Variants in GTSE1 observed in about 807,000 individuals in gnomAD.
GTSE1 encodes G2 and S phase-expressed protein 1.
A neutral mutation model predicts 60.5 loss-of-function variants in GTSE1; 52 were observed. That is an observed-to-expected ratio of 0.86 (90% CI 0.69 to 1.08). The LOEUF is 1.08. GTSE1 is among the 50% of genes least tolerant of loss of function. The probability of loss-of-function intolerance (pLI) is 0.00; values close to 1 mark genes in which losing one functional copy is unlikely to be tolerated. For synonymous variants in GTSE1, 368 were observed against 386.5 expected, an observed-to-expected ratio of 0.95 and a Z score of 0.56; for missense variants, 937 against 961.8, an observed-to-expected ratio of 0.97 and a Z score of 0.34.
At chr22:46,311,373 C>T (rs890700321) in intron 4 of GTSE1, among the ~76,000 whole-genome samples, 9 of 152,182 alleles carry the variant, frequency 5.9e-5, no homozygotes, top group East Asian at 1.9e-4. Flanking sequence ...CCACTGCACC[C>T]GGCCGAGTAC....
intron 2 of GTSE1, among the ~76,000 whole-genome samples, chr22:46,298,442 G>C (rs1569034167): frequency 6.6e-6 from 1 of 151,556 alleles, no homozygotes. Flanking sequence ...CGAGTAGCTG[G>C]GATTACAGGC....
At chr22:46,326,290 G>C in intron 8 of GTSE1, 146 bp from the exon 9 acceptor site, 1 of 636,896 alleles carries the variant, frequency 1.6e-6, no homozygotes, top group Non-Finnish European at 2.6e-6. Context: ...GCCTGTCCCA[G>C]GAGAGCGGAG....
intron 2 of GTSE1, among the ~76,000 whole-genome samples, chr22:46,302,428 G>A (rs77273258): frequency 0.048 from 7,322 of 152,256 alleles, 287 homozygotes; most frequent in African/African-American, 0.1. Context: ...GGGCCTGAGT[G>A]TAGTGGCGAG....
chr22:46,299,718 G>C (rs551313584), intron 2 of GTSE1, among the ~76,000 whole-genome samples: 14 of 152,182 alleles, frequency 9.2e-5, no homozygotes, highest in African/African-American at 3.1e-4. Context: ...GCTTCCTTTC[G>C]GATACACTTT....
chr22:46,300,026 A>T (rs1400719713), intron 2 of GTSE1, among the ~76,000 whole-genome samples: 1 of 145,728 alleles, frequency 6.9e-6, no homozygotes, highest in African/African-American at 2.6e-5. Context: ...GATGGTCTCA[A>T]TCTCCTGACC....
chr22:46,326,733 C>G, intron 9 of GTSE1, 79 bp downstream of exon 9: 1 of 995,486 alleles, frequency 1.0e-6, no homozygotes, highest in Non-Finnish European at 1.5e-6. Context: ...CTTTTTCTTG[C>G]CTTGCTCCAG....
In GTSE1 at chr22:46,324,753, G is replaced by A. The variant is rs747577546; in HGVS notation, c.1505+1491G>A. On this transcript the variant is annotated intron_variant, in intron 8 of 11. Coordinates refer to ENST00000454366, the MANE Select transcript of GTSE1 (RefSeq NM_016426.7). This position sits in a 1 kb window ranked among gnomAD's most constrained non-coding sequence, Gnocchi z 5.2. ...AGGGTGGGGAATCCTAGAACTTCGC[G>A]GAGAGCAGCAGCTGGGGTTGACAGC... Among the ~76,000 whole-genome samples the A allele has an allele frequency of 2.0e-5, 3 of 152,186 alleles. No homozygotes were observed. The highest frequency in any genetic ancestry group is 6.5e-5 in the Admixed American group (1 of 15,274).
Position 46,312,132 on chromosome 22 carries a change from A to C in GTSE1, c.763-9A>C. 1 of 1,608,224 alleles carries C rather than the reference A, an allele frequency of 6.2e-7. No homozygotes were observed. The highest frequency in any genetic ancestry group is 8.5e-7 in the Non-Finnish European group (1 of 1,176,642). Reference sequence around the variant, plus strand: ...AGACAGTTCTCACAGTTCAAATTAAAATTTTCAGCCCAAGAAAGAGATTCC... The same window carrying C: ...AGACAGTTCTCACAGTTCAAATTAACATTTTCAGCCCAAGAAAGAGATTCC... On this transcript the variant is annotated splice_polypyrimidine_tract_variant and intron_variant, in intron 4 of 11. Transcript: ENST00000454366.
rs774930472 is a variant in GTSE1 at position 46,319,545 on chromosome 22, G to T, written c.1432+3133G>T. Among the ~76,000 whole-genome samples, 2 of 152,180 alleles carry T rather than the reference G, an allele frequency of 1.3e-5. No individual in the cohort carries two copies. Among genetic ancestry groups the T allele is most frequent in the Non-Finnish European group, 2.9e-5 (2 of 68,026 alleles). On this transcript the variant is annotated intron_variant, in intron 7 of 11. Transcript: ENST00000454366. This position sits in a 1 kb window ranked among gnomAD's most constrained non-coding sequence, Gnocchi z 5.0. ...GGAGGGCTGGAAGAGGCAGCGGGCA[G>T]AGTCCACGGCCCCATTTTGGAAGTA...
intron 2 of GTSE1, among the ~76,000 whole-genome samples, chr22:46,301,504 TA>T (rs2077689118): frequency 6.6e-6 from 1 of 150,610 alleles, no homozygotes; most frequent in South Asian, 2.1e-4. Context: ...TTTTTTTTTT[TA>T]AGACAGAGTT....
Position 46,329,648 on chromosome 22 carries a change from G to GT in GTSE1, c.2136+82dup. On this transcript the variant is annotated intron_variant, in intron 11 of 11. Coordinates refer to ENST00000454366, the MANE Select transcript of GTSE1 (RefSeq NM_016426.7). The surrounding 1 kb of genome is among the most constrained non-coding windows in gnomAD (Gnocchi z 6.4). ...GATTGTTCATCCTCCCAGGGCCATC[G>GT]TGGGACCCTTGAGAGTGGCTGTTGA... 9.0e-7 allele frequency: 1 copy of GT among 1,113,962 alleles called. No homozygotes were observed. Among genetic ancestry groups the GT allele is most frequent in the Non-Finnish European group, 1.4e-6 (1 of 733,846 alleles). The allele number at this position is 1,113,962 out of a possible 1,614,324, so 69.0% of individuals were successfully genotyped here.
At chr22:46,315,945 T>C (rs2077776514) in intron 6 of GTSE1, 87 bp from the exon 7 acceptor site, 2 of 1,019,022 alleles carry the variant, frequency 2.0e-6, no homozygotes, top group African/African-American at 3.2e-5. Flanking sequence ...TTAAGGTAGA[T>C]ATGCTAAAGA....
chr22:46,297,593 C>G lies in GTSE1; in HGVS notation c.79+114C>G. 1 of 724,668 alleles carries G rather than the reference C, an allele frequency of 1.4e-6. No homozygotes were observed. The highest frequency in any genetic ancestry group is 2.4e-6 in the Non-Finnish European group (1 of 421,582). The allele number at this position is 724,668 out of a possible 1,614,324, so 44.9% of individuals were successfully genotyped here. A position where few individuals can be genotyped will look rare whatever the true frequency, so the allele number is the denominator to read the frequency against. On this transcript the variant is annotated intron_variant, in intron 2 of 11. Transcript: ENST00000454366. This position sits in a 1 kb window ranked among gnomAD's most constrained non-coding sequence, Gnocchi z 4.9. ...TCAAGTGCTCGACTTGTACTCTGCA[C>G]CTGTGAAACACATGACATCTGCCTT... is the stretch of plus-strand genomic sequence containing the variant.
chr22:46,302,082 G>A (rs904941735), intron 2 of GTSE1, among the ~76,000 whole-genome samples: 3 of 152,184 alleles, frequency 2.0e-5, no homozygotes, highest in Non-Finnish European at 2.9e-5. Context: ...CCAAGATCGC[G>A]CCATTGCACT....
At chr22:46,327,514 A>G (rs1416001782) in intron 9 of GTSE1, among the ~76,000 whole-genome samples, 1 of 152,180 alleles carries the variant, frequency 6.6e-6, no homozygotes, top group African/African-American at 2.4e-5. Context: ...TGTACTAAAA[A>G]TACAAAAATT....
In GTSE1 at chr22:46,316,083, C is replaced by T. The variant is rs1180546468; in HGVS notation, c.1103C>T (p.Ser368Leu). ...SIPANSSRPLSNISKSGRMGP... is the reference protein window; with the variant it reads ...SIPANSSRPLLNISKSGRMGP... The stretch of plus-strand genomic sequence containing the variant: ...CCTGCAAATAGCTCCCGGCCTCTGT[C>T]AAACATCAGCAAGTCAGGCAGAATG... Residue 368 changes from serine to leucine, a missense_variant, in exon 7 of 12, where the codon TCA (serine) becomes TTA (leucine). Coordinates refer to ENST00000454366, the MANE Select transcript of GTSE1 (RefSeq NM_016426.7). The surrounding 1 kb of genome is among the most constrained non-coding windows in gnomAD (Gnocchi z 5.0). 1 of 1,541,966 alleles carries T rather than the reference C, an allele frequency of 6.5e-7. No homozygotes were observed. Among genetic ancestry groups the T allele is most frequent in the South Asian group, 1.2e-5 (1 of 80,320 alleles).
rs752757511 is a variant in GTSE1 at position 46,329,470 on chromosome 22, T to C, written c.2039T>C (p.Val680Ala). 13 of 1,614,046 alleles carry C rather than the reference T, an allele frequency of 8.1e-6. No individual in the cohort carries two copies. The East Asian group carries it at 2.2e-4, about 28-fold the overall frequency. Residue 680 changes from valine to alanine, a missense_variant, in exon 11 of 12, where the codon GTG becomes GCG. Coordinates refer to ENST00000454366, the MANE Select transcript of GTSE1 (RefSeq NM_016426.7). This position sits in a 1 kb window ranked among gnomAD's most constrained non-coding sequence, Gnocchi z 6.4. ...IDFCDTPEAH[V>A]AVGSESRPLI... Reference sequence around the variant, plus strand: ...TTCTGCGATACCCCAGAAGCACACGTGGCTGTAGGATCTGAAAGCAGGCCT... The same window carrying C: ...TTCTGCGATACCCCAGAAGCACACGCGGCTGTAGGATCTGAAAGCAGGCCT...
chr22:46,308,984 T>C lies in GTSE1; in HGVS notation c.762+41T>C, dbSNP rs543176342. On this transcript the variant is annotated intron_variant, in intron 4 of 11. Coordinates refer to ENST00000454366, the MANE Select transcript of GTSE1 (RefSeq NM_016426.7). ...GAGCGCCTGCCTGGGGAGCCCCCAC[T>C]CCTTGCCCCTCAGCCCTCTCACAGA... 1.8e-5 allele frequency: 28 copies of C among 1,564,440 alleles called. No homozygotes were observed. The African/African-American group carries it at 3.4e-4, about 19-fold the overall frequency.
intron 2 of GTSE1, among the ~76,000 whole-genome samples, chr22:46,298,400 C>A (rs997480659): frequency 6.7e-6 from 1 of 148,628 alleles, no homozygotes; most frequent in Admixed American, 6.7e-5. Context: ...CTCTGCCTTT[C>A]GGGTTCAAGC....
Sources: allele counts gnomAD v4.1 joint callset (sites outside exome capture counted in the v4.1 genomes callset), GRCh38; gene constraint gnomAD v4.1.1; non-coding constraint Gnocchi (gnomAD v3.1); transcripts MANE v1.5; gene names NCBI Gene and HGNC (gene_info 2026-07-23, HGNC 2026-07-21).